The following XKR3 variants were observed in gnomAD, a reference collection of about 807,000 sequenced individuals.
XKR3 encodes the protein XK-related protein 3.
XKR3 carries 27 observed loss-of-function variants against 40.3 expected under a neutral mutation model. The observed-to-expected ratio is 0.67, with a 90% CI of 0.49 to 0.92. XKR3 has a LOEUF of 0.92. XKR3 is among the 40% of genes least tolerant of loss of function. XKR3 has a pLI of 0.00. For synonymous variants in XKR3, 193 were observed against 195.4 expected, an observed-to-expected ratio of 0.99 and a Z score of 0.10; for missense variants, 472 against 537.6, an observed-to-expected ratio of 0.88 and a Z score of 1.21.
intron 1 of XKR3, among the ~76,000 whole-genome samples, chr22:16,809,369 C>G (rs528515768): frequency 1.3e-5 from 2 of 152,200 alleles, no homozygotes; most frequent in Admixed American, 6.5e-5. Context: ...CTCTTCGGTG[C>G]TCTGATTTCC....
intron 2 of XKR3, among the ~76,000 whole-genome samples, chr22:16,803,824 T>C (rs1458531956): frequency 1.3e-5 from 2 of 152,156 alleles, no homozygotes; most frequent in African/African-American, 4.8e-5. Context: ...GAAAGAACCA[T>C]AAAAATGGGC....
At chr22:16,789,561 T>C (rs566432737) in intron 3 of XKR3, among the ~76,000 whole-genome samples, 34 of 152,162 alleles carry the variant, frequency 2.2e-4, no homozygotes, top group East Asian at 3.8e-4. Context: ...TGCTAATTGA[T>C]TGGAAAAAAG....
chr22:16,799,206 G>A (rs559167437), intron 3 of XKR3, among the ~76,000 whole-genome samples: 11 of 151,868 alleles, frequency 7.2e-5, no homozygotes, highest in Admixed American at 2.0e-4. Flanking sequence ...GAGGTCAGGA[G>A]ATCGAGACCA....
At chr22:16,805,625 A>G (rs1177669930) in intron 2 of XKR3, among the ~76,000 whole-genome samples, 1 of 152,186 alleles carries the variant, frequency 6.6e-6, no homozygotes, top group Non-Finnish European at 1.5e-5. Flanking sequence ...GACTCCACAC[A>G]GCCAAACAAT....
At chr22:16,787,515 C>T (rs1198085292) in intron 3 of XKR3, among the ~76,000 whole-genome samples, 2 of 149,862 alleles carry the variant, frequency 1.3e-5, no homozygotes, top group Middle Eastern at 3.2e-3. Flanking sequence ...GCCAAGATCA[C>T]GCCATTGCAC....
At position 16,784,381 on chromosome 22, in the gene XKR3, T is replaced by C; in HGVS notation, c.618A>G (p.Ser206=). The C allele has an allele frequency of 1.2e-6, 2 of 1,602,796 alleles. No homozygotes were observed. Among genetic ancestry groups the C allele is most frequent in the Non-Finnish European group, 1.7e-6 (2 of 1,175,790 alleles). ...RALLMTFSLL[S]VTYGAIRCNI... ...TGCAGCGAATGGCCCCATAAGTAAC[T>C]GATAACAGGGAAAATGTCATCAGCA... Residue 206 remains serine, a synonymous_variant, in exon 4 of 4, where the codon TCA becomes TCG. Coordinates refer to ENST00000684488, the MANE Select transcript of XKR3 (RefSeq NM_001386955.1).
intron 3 of XKR3, among the ~76,000 whole-genome samples, chr22:16,786,471 A>G (rs1453149195): frequency 1.3e-5 from 2 of 152,138 alleles, no homozygotes; most frequent in African/African-American, 2.4e-5. Flanking sequence ...CCGACAACAG[A>G]TGAGAAACTG....
intron 1 of XKR3, among the ~76,000 whole-genome samples, chr22:16,824,821 G>A (rs1015277351): frequency 2.0e-5 from 3 of 152,134 alleles, no homozygotes; most frequent in African/African-American, 7.2e-5. Context: ...ATGCACATAT[G>A]AAAAGGGCCA....
At chr22:16,794,073 CT>C (rs2060131189) in intron 3 of XKR3, among the ~76,000 whole-genome samples, 1 of 152,152 alleles carries the variant, frequency 6.6e-6, no homozygotes. Context: ...TGTGACTTGA[CT>C]CACCAGCATT....
At chr22:16,793,669 C>A (rs1201703753) in intron 3 of XKR3, among the ~76,000 whole-genome samples, 8 of 152,056 alleles carry the variant, frequency 5.3e-5, no homozygotes, top group African/African-American at 1.9e-4. Flanking sequence ...GTCAAAGAGG[C>A]AAAACTCCTT....
intron 2 of XKR3, among the ~76,000 whole-genome samples, chr22:16,806,163 A>G (rs4819893): frequency 0.11 from 16,801 of 151,796 alleles, 1,310 homozygotes; most frequent in African/African-American, 0.22. Flanking sequence ...GAAGGCTGAG[A>G]CAGGAGAATC....
At chr22:16,804,080 C>A (rs2060180035) in intron 2 of XKR3, among the ~76,000 whole-genome samples, 1 of 152,046 alleles carries the variant, frequency 6.6e-6, no homozygotes, top group South Asian at 2.1e-4. Context: ...ATCATCTCAA[C>A]AGGCAGAAAA....
chr22:16,801,911 A>G (rs2060170995), intron 2 of XKR3, among the ~76,000 whole-genome samples: 1 of 152,206 alleles, frequency 6.6e-6, no homozygotes, highest in Non-Finnish European at 1.5e-5. Flanking sequence ...ATGTGACTAA[A>G]TGGTCTGGAG....
intron 3 of XKR3, among the ~76,000 whole-genome samples, chr22:16,791,797 GAGAGAGAGAGAGAGAA>G (rs1443776030): frequency 2.7e-5 from 3 of 110,678 alleles, no homozygotes; most frequent in Non-Finnish European, 5.8e-5. Context: ...GAGAGAGAGA[GAGAGAGAGAGAGAGAA>G]AGAGAGAGAG....
chr22:16,822,714 T>C (rs2060261910), intron 1 of XKR3, among the ~76,000 whole-genome samples: 1 of 152,192 alleles, frequency 6.6e-6, no homozygotes, highest in African/African-American at 2.4e-5. Flanking sequence ...TATCAACTGA[T>C]GCTCAAGTTG....
intron 1 of XKR3, among the ~76,000 whole-genome samples, chr22:16,823,471 C>T (rs1393395611): frequency 4.6e-5 from 7 of 152,134 alleles, no homozygotes; most frequent in Non-Finnish European, 1.0e-4. Context: ...TTGGTCAATT[C>T]TTGAGTATCC....
At chr22:16,801,638 T>C (rs1453356457) in intron 2 of XKR3, among the ~76,000 whole-genome samples, 1 of 151,754 alleles carries the variant, frequency 6.6e-6, no homozygotes, top group Non-Finnish European at 1.5e-5. Context: ...TTGTCAGGTG[T>C]TAAAGAGTTA....
intron 2 of XKR3, among the ~76,000 whole-genome samples, chr22:16,805,559 T>C (rs146110140): frequency 3.3e-4 from 51 of 152,334 alleles, no homozygotes; most frequent in African/African-American, 1.1e-3. Context: ...ATTGTTGTTA[T>C]TATTATTCAC....
rs567560847 is a variant in XKR3, at chr22:16,820,326, C to A, written c.-11+4965G>T. Among the ~76,000 whole-genome samples the A allele has an allele frequency of 1.1e-3, 162 of 152,200 alleles. 2 individuals are homozygous for A. Among genetic ancestry groups the A allele is most frequent in the African/African-American group, 3.7e-3 (155 of 41,520 alleles). The stretch of plus-strand genomic sequence containing the variant: ...CAATAAAAATGAAATAGACTATTAG[C>A]AGGTATAATTGGAAGAATCCCAGGG... On this transcript the variant is annotated intron_variant, in intron 1 of 3. Transcript: ENST00000684488.
Sources: gnomAD v4.1 joint callset for allele counts (sites outside exome capture counted in the v4.1 genomes callset) on GRCh38, gnomAD v4.1.1 for gene constraint, MANE v1.5 for transcripts, NCBI Gene and HGNC (gene_info 2026-07-23, HGNC 2026-07-21) for gene names.